The following CDIN1 variants were observed in gnomAD, a reference collection of about 807,000 sequenced individuals.
The protein encoded by CDIN1 is CDAN1 interacting nuclease 1, also known as CDAN1-interacting nuclease 1.
In CDIN1, 33 loss-of-function variants were observed where a neutral mutation model predicts 45.3. The observed-to-expected ratio is 0.73, with a 90% CI of 0.55 to 0.97. The LOEUF (loss-of-function observed/expected upper bound fraction) is 0.97. CDIN1 is among the 50% of genes least tolerant of loss of function. The pLI is 0.00. For missense variants in CDIN1, 303 were observed against 339.4 expected (o/e 0.89, Z 0.84); for synonymous variants, 118 against 124.4 (o/e 0.95, Z 0.34).
At chr15:36,667,179 G>A (rs2041280461) in intron 5 of CDIN1, among the ~76,000 whole-genome samples, 1 of 152,224 alleles carries the variant, frequency 6.6e-6, no homozygotes, top group Non-Finnish European at 1.5e-5. Flanking sequence ...AGTCAATACT[G>A]TAGGTAACAA....
chr15:36,735,067 A>G (rs2043968059), intron 10 of CDIN1, among the ~76,000 whole-genome samples: 1 of 152,204 alleles, frequency 6.6e-6, no homozygotes, highest in Non-Finnish European at 1.5e-5. Context: ...GATACTGCAA[A>G]CTACTTTGTT....
intron 10 of CDIN1, among the ~76,000 whole-genome samples, chr15:36,721,863 T>C (rs2140881972): frequency 6.6e-6 from 1 of 152,114 alleles, no homozygotes; most frequent in East Asian, 1.9e-4. Context: ...TGCCTTGGCT[T>C]TCCCATTCTT....
At chr15:36,788,117 T>A (rs1279132244) in intron 10 of CDIN1, among the ~76,000 whole-genome samples, 278 of 128,734 alleles carry the variant, frequency 2.2e-3, no homozygotes, top group African/African-American at 8.6e-3. Flanking sequence ...TTTTTTTTTT[T>A]TTTTTTTTTT....
rs538629604 is a variant in CDIN1, at chr15:36,755,996, C to G, written c.716+46035C>G. On this transcript the variant is annotated intron_variant, in intron 10 of 10. Coordinates refer to ENST00000566621, the MANE Select transcript of CDIN1 (RefSeq NM_001321759.2). ...GGAGAGAACCAGTGTGCCACACTTA[C>G]CAGGTCTTTATCACCTCTGTGCTGA... is the stretch of plus-strand genomic sequence containing the variant. 1.3e-5 allele frequency: 6 copies of G among 452,396 alleles called. No individual in the cohort carries two copies. In the East Asian group the frequency reaches 4.2e-4, roughly 32 times the overall value. The allele number at this position is 452,396 out of a possible 1,614,324, so 28.0% of individuals were successfully genotyped here.
intron 5 of CDIN1, among the ~76,000 whole-genome samples, chr15:36,663,365 A>G (rs560881234): frequency 6.6e-6 from 1 of 152,332 alleles, no homozygotes; most frequent in East Asian, 1.9e-4. Flanking sequence ...CTTTTCAACA[A>G]GACAGATACG....
At chr15:36,644,196 C>T in intron 1 of CDIN1, 82 bp from the exon 2 acceptor site, 1 of 1,336,944 alleles carries the variant, frequency 7.5e-7, no homozygotes, top group South Asian at 1.2e-5. Flanking sequence ...GGGCAGCAGG[C>T]CTACCTTTGA....
intron 1 of CDIN1, among the ~76,000 whole-genome samples, chr15:36,603,687 C>G (rs1725505638): frequency 6.6e-6 from 1 of 152,070 alleles, no homozygotes; most frequent in Admixed American, 6.5e-5. Context: ...TGCTTTTTAT[C>G]AGAATAAAGA....
Position 36,759,445 on chromosome 15 carries a change from T to C in CDIN1, c.717-48879T>C, listed in dbSNP as rs142121409. 6.8e-3 allele frequency among the ~76,000 whole-genome samples: 1,029 copies of C among 152,260 alleles called. 11 individuals carry two copies. Among genetic ancestry groups the C allele is most frequent in the African/African-American group, 0.021 (855 of 41,546 alleles). On this transcript the variant is annotated intron_variant, in intron 10 of 10. Transcript: ENST00000566621. ...AGATATTCTTTATTTTCCTCACAAT[T>C]GCTCAGATAAATATGTTTTTTCTTG...
rs574449978 is a variant in CDIN1 at position 36,581,049 on chromosome 15, C to G, written c.101+1088C>G. Among the ~76,000 whole-genome samples the G allele has an allele frequency of 2.6e-5, 4 of 152,178 alleles. No homozygotes were observed. In the East Asian group the frequency reaches 7.7e-4, roughly 29 times the overall value. On this transcript the variant is annotated intron_variant, in intron 1 of 10. Transcript: ENST00000566621. ...GAAGGAGTCTCTTTTCAATATTATCCAGATTTGATTTAGGGCAATATTTAT... is the reference window on the plus strand; with the variant it reads ...GAAGGAGTCTCTTTTCAATATTATCGAGATTTGATTTAGGGCAATATTTAT...
chr15:36,603,923 T>G (rs1423498577), intron 1 of CDIN1, among the ~76,000 whole-genome samples: 1 of 152,230 alleles, frequency 6.6e-6, no homozygotes, highest in East Asian at 1.9e-4. Flanking sequence ...AAACTTTTTT[T>G]TTGGTAATAT....
chr15:36,808,395 T>G lies in CDIN1; in HGVS notation c.788T>G (p.Ile263Ser), dbSNP rs750347464. Reference protein sequence around the residue: ...QELDCNRERGILLKACFPTNI... With the variant: ...QELDCNRERGSLLKACFPTNI... ...CTGGACTGCAACCGGGAAAGGGGCA[T>G]CCTGCTCAAAGCCTGTTTCCCCACG... The change falls in exon 11 of 11, where the codon ATC becomes AGC. Residue 263 changes from isoleucine to serine, a missense_variant. Coordinates refer to ENST00000566621, the MANE Select transcript of CDIN1 (RefSeq NM_001321759.2). 7.7e-5 allele frequency: 125 copies of G among 1,613,538 alleles called. No individual in the cohort carries two copies. The highest frequency in any genetic ancestry group is 1.0e-4 in the Non-Finnish European group (122 of 1,179,678).
intron 10 of CDIN1, among the ~76,000 whole-genome samples, chr15:36,793,746 C>T (rs943235413): frequency 7.2e-5 from 11 of 152,202 alleles, no homozygotes; most frequent in African/African-American, 2.4e-4. Flanking sequence ...CTTCATTAAT[C>T]GCGAGAAAAC....
At chr15:36,625,141 T>C (rs994887289) in intron 1 of CDIN1, among the ~76,000 whole-genome samples, 1 of 151,880 alleles carries the variant, frequency 6.6e-6, no homozygotes, top group African/African-American at 2.4e-5. Flanking sequence ...ATTAGCCGGG[T>C]GTGGTGGCGG....
intron 10 of CDIN1, among the ~76,000 whole-genome samples, chr15:36,739,017 T>C (rs1441817970): frequency 6.6e-6 from 1 of 152,246 alleles, no homozygotes; most frequent in Non-Finnish European, 1.5e-5. Flanking sequence ...TCCCAAAGTT[T>C]CTGAGACTTG....
chr15:36,688,108 A>G (rs993902295), intron 5 of CDIN1, among the ~76,000 whole-genome samples: 1 of 152,106 alleles, frequency 6.6e-6, no homozygotes, highest in Non-Finnish European at 1.5e-5. Flanking sequence ...AATGTGGCAA[A>G]CTCAAAGTGG....
intron 10 of CDIN1, among the ~76,000 whole-genome samples, chr15:36,802,965 T>G (rs575965655): frequency 6.6e-6 from 1 of 152,006 alleles, no homozygotes; most frequent in Non-Finnish European, 1.5e-5. Flanking sequence ...CTGAACAAAA[T>G]GTAAGCAGCA....
chr15:36,703,675 T>G (rs182187229), intron 8 of CDIN1, among the ~76,000 whole-genome samples: 2 of 152,132 alleles, frequency 1.3e-5, no homozygotes, highest in East Asian at 3.9e-4. Context: ...ATTGCTGAAT[T>G]GAATCCTTTG....
chr15:36,692,309 A>G (rs2042286886), intron 7 of CDIN1, 134 bp downstream of exon 7: 8 of 790,682 alleles, frequency 1.0e-5, no homozygotes, highest in Non-Finnish European at 1.4e-5. Context: ...CATTCAATCA[A>G]CTGGAGGGTC....
At chr15:36,732,848 C>G (rs1333125695) in intron 10 of CDIN1, among the ~76,000 whole-genome samples, 1 of 151,952 alleles carries the variant, frequency 6.6e-6, no homozygotes, top group Non-Finnish European at 1.5e-5. Flanking sequence ...TAAGATATAA[C>G]CTAAACCTTT....
Sources: gnomAD v4.1 joint callset for allele counts (sites outside exome capture counted in the v4.1 genomes callset) on GRCh38, gnomAD v4.1.1 for gene constraint, MANE v1.5 for transcripts, NCBI Gene and HGNC (gene_info 2026-07-23, HGNC 2026-07-21) for gene names.